HIPK1: variants seen among roughly 807,000 people sequenced by gnomAD.
The protein encoded by HIPK1 is homeodomain-interacting protein kinase 1.
A neutral mutation model predicts 117.1 loss-of-function variants in HIPK1; 28 were observed. The ratio of observed to expected loss-of-function variants is 0.24; its 90% CI spans 0.18 to 0.33. The LOEUF is 0.33. HIPK1 is among the 10% of genes least tolerant of loss of function. The pLI, the probability that HIPK1 is intolerant of heterozygous loss-of-function variation, is 1.00. For synonymous variants in HIPK1, 605 were observed against 562.5 expected, an observed-to-expected ratio of 1.08 and a Z score of -1.07; for missense variants, 1,122 against 1,475.1, an observed-to-expected ratio of 0.76 and a Z score of 3.92.
At chr1:113,932,630 C>T (rs563529992) in intron 1 of HIPK1, among the ~76,000 whole-genome samples, 5 of 152,174 alleles carry the variant, frequency 3.3e-5, no homozygotes, top group Admixed American at 1.3e-4. Context: ...CCACCTGCCT[C>T]GGCCTCCCAA....
chr1:113,931,140 A>G (rs1669865865), intron 1 of HIPK1, among the ~76,000 whole-genome samples: 1 of 150,790 alleles, frequency 6.6e-6, no homozygotes, highest in South Asian at 2.1e-4. Flanking sequence ...TTGTTTGTGT[A>G]AAGCTATTTT....
intron 2 of HIPK1, chr1:113,951,167 C>T (rs1215992237): frequency 9.8e-6 from 9 of 917,056 alleles, no homozygotes; most frequent in African/African-American, 1.8e-5. Context: ...ATTTATGTGT[C>T]ATTTATTATT....
chr1:113,955,334 G>A (rs1331892914), intron 4 of HIPK1, among the ~76,000 whole-genome samples: 1 of 152,126 alleles, frequency 6.6e-6, no homozygotes, highest in Non-Finnish European at 1.5e-5. Flanking sequence ...CATTCTTTAG[G>A]AACTGTGCTG....
rs1473933275 is a variant in HIPK1, at chr1:113,977,823, C to T, written c.*4311C>T. On this transcript the variant is annotated 3_prime_UTR_variant, in exon 16 of 16. Transcript: ENST00000426820. ...TGACTTATGTGGCTGTTTTTGACTT[C>T]TGTTATAGGATATAAAGGGGATCAA... 3.3e-5 allele frequency: 5 copies of T among 152,622 alleles called. No homozygotes were observed. Among genetic ancestry groups the T allele is most frequent in the African/African-American group, 9.7e-5 (4 of 41,396 alleles). The allele number at this position is 152,622 out of a possible 1,614,324, so 9.5% of individuals were successfully genotyped here.
intron 8 of HIPK1, 131 bp downstream of exon 8, chr1:113,958,422 T>G: frequency 1.6e-6 from 1 of 632,652 alleles, no homozygotes; most frequent in South Asian, 2.1e-5. Context: ...TAAAATTGGG[T>G]AATATCACAA....
At chr1:113,949,305 C>T (rs1328891980) in intron 2 of HIPK1, among the ~76,000 whole-genome samples, 1 of 152,130 alleles carries the variant, frequency 6.6e-6, no homozygotes, top group Non-Finnish European at 1.5e-5. Context: ...TTTATTTTGG[C>T]TCATTGCCAG....
At chr1:113,936,621 C>T (rs75170142) in intron 1 of HIPK1, among the ~76,000 whole-genome samples, 14 of 152,270 alleles carry the variant, frequency 9.2e-5, no homozygotes, top group African/African-American at 2.9e-4. Context: ...CGTGTCACCA[C>T]GCCCAGCTAA....
Position 113,973,656 on chromosome 1 carries a change from G to A in HIPK1, c.*144G>A, listed in dbSNP as rs1485529916. On this transcript the variant is annotated 3_prime_UTR_variant, in exon 16 of 16. Transcript: ENST00000426820. ...CTGCAGGGGCCCACTGAAGCAGAAG[G>A]TTTTTCTCTGGGGGAACCTGTCTCA... 5 of 905,550 alleles carry A rather than the reference G, an allele frequency of 5.5e-6. No homozygotes were observed. The highest frequency in any genetic ancestry group is 8.0e-6 in the Non-Finnish European group (5 of 626,694). The allele number at this position is 905,550 out of a possible 1,614,324, so 56.1% of individuals were successfully genotyped here. A position where few individuals can be genotyped will look rare whatever the true frequency, so the allele number is the denominator to read the frequency against.
Position 113,952,802 on chromosome 1 carries a change from A to G in HIPK1, c.1113A>G (p.Glu371=). The change falls in exon 3 of 16, where the codon GAA becomes GAG. Residue 371 remains glutamate, a synonymous_variant. Transcript: ENST00000426820. ...TTATTCTTGGGTTACCATTTTGTGA[A>G]GCTATTGATATGTGGTCACTGGGCT... The part of the protein sequence containing the change: ...PEIILGLPFC[E]AIDMWSLGCV... 6.6e-7 allele frequency: 1 copy of G among 1,505,366 alleles called. No homozygotes were observed. Among genetic ancestry groups the G allele is most frequent in the Non-Finnish European group, 8.9e-7 (1 of 1,123,646 alleles). The allele number at this position is 1,505,366 out of a possible 1,614,324, so 93.3% of individuals were successfully genotyped here.
intron 2 of HIPK1, among the ~76,000 whole-genome samples, chr1:113,947,385 G>C (rs1671055162): frequency 6.6e-6 from 1 of 152,150 alleles, no homozygotes; most frequent in South Asian, 2.1e-4. Context: ...GAAGGAAAAG[G>C]TCTAGAGAAG....
At chr1:113,948,472 C>T (rs1444441702) in intron 2 of HIPK1, among the ~76,000 whole-genome samples, 1 of 151,346 alleles carries the variant, frequency 6.6e-6, no homozygotes, top group Non-Finnish European at 1.5e-5. Context: ...CTAGGCTGGT[C>T]TCAAACTCCT....
At chr1:113,966,330 C>T in intron 11 of HIPK1, 58 bp downstream of exon 11, 3 of 1,514,076 alleles carry the variant, frequency 2.0e-6, no homozygotes, top group Admixed American at 2.1e-5. Flanking sequence ...AGGGTGGGAG[C>T]ACTTGGTAAT....
At chr1:113,969,929 A>T (rs746638896) in intron 13 of HIPK1, 27 bp from the exon 14 acceptor site, 1 of 1,612,276 alleles carries the variant, frequency 6.2e-7, no homozygotes, top group Non-Finnish European at 8.5e-7. Flanking sequence ...GAACAATTCA[A>T]TTTTCATGTA....
At position 113,929,395 on chromosome 1, in the gene HIPK1, G is replaced by C. The variant is rs775417243; in HGVS notation, c.-140G>C. The C allele has an allele frequency of 9.3e-6, 12 of 1,289,426 alleles. No individual in the cohort carries two copies. The highest frequency in any genetic ancestry group is 1.0e-5 in the Non-Finnish European group (10 of 988,866). The allele number at this position is 1,289,426 out of a possible 1,614,324, so 79.9% of individuals were successfully genotyped here. A position where few individuals can be genotyped will look rare whatever the true frequency, so the allele number is the denominator to read the frequency against. On this transcript the variant is annotated 5_prime_UTR_variant, in exon 1 of 16. Coordinates refer to ENST00000426820, the MANE Select transcript of HIPK1 (RefSeq NM_198268.3). The stretch of plus-strand genomic sequence containing the variant: ...CACCGCAGAGTCTGCAGTGCGGAGG[G>C]GGCGGGAAGTCCAGGCCCCGCACTC...
intron 5 of HIPK1, 71 bp from the exon 6 acceptor site, chr1:113,956,556 G>C (rs1050772239): frequency 9.5e-7 from 1 of 1,053,130 alleles, no homozygotes; most frequent in Non-Finnish European, 1.4e-6. Flanking sequence ...ATAGTTTGGA[G>C]GGAAAGCAGC....
intron 2 of HIPK1, among the ~76,000 whole-genome samples, chr1:113,942,990 G>T (rs1670751228): frequency 6.6e-6 from 1 of 152,116 alleles, no homozygotes; most frequent in Non-Finnish European, 1.5e-5. Context: ...TCTGAATTAA[G>T]AATTTTATAT....
At chr1:113,945,015 T>C (rs1379504660) in intron 2 of HIPK1, among the ~76,000 whole-genome samples, 1 of 151,640 alleles carries the variant, frequency 6.6e-6, no homozygotes, top group Non-Finnish European at 1.5e-5. Context: ...ACCTGACTAG[T>C]GTTTTGTATT....
At position 113,969,880 on chromosome 1, in the gene HIPK1, C is replaced by T. The variant is rs888401177; in HGVS notation, c.2772-76C>T. ...TGTGATCACTCCACTGCACTCCAGC[C>T]TGGGTGACAGAACAAGACGCTGTCA... On this transcript the variant is annotated intron_variant, in intron 13 of 15. Coordinates refer to ENST00000426820, the MANE Select transcript of HIPK1 (RefSeq NM_198268.3). 7 of 1,536,586 alleles carry T rather than the reference C, an allele frequency of 4.6e-6. No individual in the cohort carries two copies. In the African/African-American group the frequency reaches 9.5e-5, roughly 21 times the overall value.
chr1:113,936,372 A>G (rs2101134588), intron 1 of HIPK1, among the ~76,000 whole-genome samples: 1 of 152,346 alleles, frequency 6.6e-6, no homozygotes, highest in East Asian at 1.9e-4. Context: ...TGAAGATCTG[A>G]AATCATAAGT....
Sources: allele counts gnomAD v4.1 joint callset (sites outside exome capture counted in the v4.1 genomes callset), GRCh38; gene constraint gnomAD v4.1.1; transcripts MANE v1.5; gene names NCBI Gene and HGNC (gene_info 2026-07-23, HGNC 2026-07-21).